The following RGL1 variants were observed in gnomAD, a reference collection of about 807,000 sequenced individuals.
RGL1 encodes the protein ral guanine nucleotide dissociation stimulator like 1, also known as ral guanine nucleotide dissociation stimulator-like 1.
RGL1 carries 24 observed loss-of-function variants against 95.2 expected under a neutral mutation model. The observed-to-expected ratio is 0.25, with a 90% CI of 0.18 to 0.35. The LOEUF is 0.35. Among genes scored for constraint, RGL1 ranks in the 10% least tolerant of loss-of-function variants. The probability of loss-of-function intolerance (pLI) is 1.00; values close to 1 mark genes in which losing one functional copy is unlikely to be tolerated. For missense variants in RGL1, 715 were observed against 936.3 expected, an observed-to-expected ratio of 0.76 and a Z score of 3.08; for synonymous variants, 329 against 344.9, an observed-to-expected ratio of 0.95 and a Z score of 0.51.
intron 2 of RGL1, among the ~76,000 whole-genome samples, chr1:183,820,170 A>G (rs892787844): frequency 2.0e-5 from 3 of 152,076 alleles, no homozygotes; most frequent in Admixed American, 2.0e-4. Flanking sequence ...TTTCACTTTT[A>G]CTTATTATCT....
intron 1 of RGL1, among the ~76,000 whole-genome samples, chr1:183,727,145 A>G (rs1656358110): frequency 6.6e-6 from 1 of 152,292 alleles, no homozygotes; most frequent in Middle Eastern, 3.4e-3. Context: ...AAATATATAA[A>G]AAACGTAATA....
In RGL1 at chr1:183,851,692, G is replaced by A. The variant is rs115858401; in HGVS notation, c.347+3918G>A. ...CAGAGGAATAAATATCATTTATTTA[G>A]ATTATTCTGCAGAAATTGGGATTTG... On this transcript the variant is annotated intron_variant, in intron 3 of 17. Transcript: ENST00000360851. 7.3e-3 allele frequency among the ~76,000 whole-genome samples: 1,113 copies of A among 152,290 alleles called. 24 individuals are homozygous for A. The highest frequency in any genetic ancestry group is 0.026 in the African/African-American group (1,073 of 41,564).
intron 1 of RGL1, among the ~76,000 whole-genome samples, chr1:183,729,334 CAGAT>C (rs1408183697): frequency 1.3e-5 from 2 of 152,040 alleles, no homozygotes; most frequent in Non-Finnish European, 2.9e-5. Flanking sequence ...AGAAGATACA[CAGAT>C]AGCCAATATA....
At chr1:183,646,091 T>G (rs1339374811) in intron 1 of RGL1, among the ~76,000 whole-genome samples, 1 of 152,248 alleles carries the variant, frequency 6.6e-6, no homozygotes, top group Non-Finnish European at 1.5e-5. Flanking sequence ...ATTTTAATAA[T>G]GATCAGAGAT....
chr1:183,875,217 G>A (rs1666418777), intron 4 of RGL1, among the ~76,000 whole-genome samples: 1 of 152,148 alleles, frequency 6.6e-6, no homozygotes, highest in Non-Finnish European at 1.5e-5. Flanking sequence ...ACTCTAGATG[G>A]ATAGTGTTAT....
intron 9 of RGL1, among the ~76,000 whole-genome samples, chr1:183,895,974 C>T (rs1461979211): frequency 6.6e-6 from 1 of 152,114 alleles, no homozygotes; most frequent in Non-Finnish European, 1.5e-5. Flanking sequence ...TTCTGTGATT[C>T]TTAGGAGCCT....
intron 16 of RGL1, among the ~76,000 whole-genome samples, chr1:183,920,217 A>T (rs944349057): frequency 2.0e-4 from 31 of 152,030 alleles, no homozygotes; most frequent in African/African-American, 6.0e-4. Context: ...TTGTATTTTT[A>T]TTAGAGACGG....
At chr1:183,880,899 G>A (rs1450293486) in intron 5 of RGL1, 99 bp downstream of exon 5, 2 of 1,102,196 alleles carry the variant, frequency 1.8e-6, no homozygotes, top group Non-Finnish European at 2.6e-6. Flanking sequence ...AGGAAACCTT[G>A]GTACCCTCAA....
chr1:183,888,414 C>T (rs1667238189), intron 7 of RGL1, 60 bp from the exon 8 acceptor site: 2 of 1,002,072 alleles, frequency 2.0e-6, no homozygotes, highest in African/African-American at 3.2e-5. Context: ...CAGGAAACCA[C>T]CAAGTCATTG....
intron 1 of RGL1, among the ~76,000 whole-genome samples, chr1:183,666,539 G>A (rs1652050442): frequency 6.6e-6 from 1 of 151,888 alleles, no homozygotes; most frequent in South Asian, 2.1e-4. Context: ...AAAAAATTGA[G>A]ATGAGGTTTC....
intron 1 of RGL1, among the ~76,000 whole-genome samples, chr1:183,738,428 AAAG>A (rs968569973): frequency 2.0e-5 from 3 of 152,134 alleles, no homozygotes; most frequent in Non-Finnish European, 4.4e-5. Flanking sequence ...CTAAAAAAAA[AAAG>A]AAAGAAAAAG....
At chr1:183,806,231 G>C in intron 1 of RGL1, 144 bp from the exon 2 acceptor site, 1 of 594,036 alleles carries the variant, frequency 1.7e-6, no homozygotes, top group African/African-American at 1.9e-5. Context: ...AATGTGTCTT[G>C]TATTGCGGAT....
chr1:183,684,217 G>A (rs1653411636), intron 1 of RGL1, among the ~76,000 whole-genome samples: 1 of 152,132 alleles, frequency 6.6e-6, no homozygotes, highest in South Asian at 2.1e-4. Context: ...TTGCTGGCGA[G>A]GAGTTGTGAT....
intron 2 of RGL1, among the ~76,000 whole-genome samples, chr1:183,839,906 A>G (rs1172628544): frequency 2.6e-5 from 4 of 152,254 alleles, no homozygotes; most frequent in Non-Finnish European, 4.4e-5. Flanking sequence ...AGAAAAGCAT[A>G]ACAGATTTCT....
At chr1:183,805,638 A>G (rs1361242968) in intron 1 of RGL1, among the ~76,000 whole-genome samples, 1 of 152,200 alleles carries the variant, frequency 6.6e-6, no homozygotes, top group African/African-American at 2.4e-5. Context: ...GCGGCTCTTT[A>G]ACACAAACCT....
chr1:183,687,127 C>T (rs1391219045), intron 1 of RGL1, among the ~76,000 whole-genome samples: 3 of 152,212 alleles, frequency 2.0e-5, no homozygotes, highest in East Asian at 1.9e-4. Context: ...TGTCTGTCAT[C>T]ACCATTATGT....
intron 2 of RGL1, among the ~76,000 whole-genome samples, chr1:183,833,036 A>G (rs577698098): frequency 1.3e-5 from 2 of 152,260 alleles, no homozygotes; most frequent in South Asian, 2.1e-4. Flanking sequence ...AGGAACACCT[A>G]TTGAATTTCA....
At chr1:183,788,675 G>A (rs1266717787) in intron 2 of RGL1, among the ~76,000 whole-genome samples, 1 of 152,146 alleles carries the variant, frequency 6.6e-6, no homozygotes, top group Non-Finnish European at 1.5e-5. Context: ...AGGATTATTT[G>A]AAGGATTATG....
At chr1:183,757,566 A>T (rs1238482321) in intron 2 of RGL1, among the ~76,000 whole-genome samples, 5 of 152,204 alleles carry the variant, frequency 3.3e-5, no homozygotes, top group Admixed American at 6.5e-5. Context: ...TTGATATATG[A>T]ATCTCTGAGA....
Sources: allele counts gnomAD v4.1 joint callset (sites outside exome capture counted in the v4.1 genomes callset), GRCh38; gene constraint gnomAD v4.1.1; transcripts MANE v1.5; gene names NCBI Gene and HGNC (gene_info 2026-07-23, HGNC 2026-07-21).